Variants in ZNF563 observed in about 807,000 individuals in gnomAD.
ZNF563 encodes the protein zinc finger protein 563.
ZNF563 carries 39 observed loss-of-function variants against 48.5 expected under a neutral mutation model. The observed-to-expected ratio is 0.80, with a 90% CI of 0.62 to 1.05. ZNF563 has a LOEUF of 1.05. Ranked by LOEUF, ZNF563 falls within the 50% of genes least tolerant of loss-of-function variation. The pLI, the probability that ZNF563 is intolerant of heterozygous loss-of-function variation, is 0.00. For synonymous variants in ZNF563, 168 were observed against 187.9 expected, an observed-to-expected ratio of 0.89 and a Z score of 0.87; for missense variants, 538 against 597.0, an observed-to-expected ratio of 0.90 and a Z score of 1.03.
rs1359197127 is a variant in ZNF563 at position 12,317,614 on chromosome 19, A to G, written c.*980T>C. ...ATTATCCTGCCTCAGCCTCCTGAGT[A>G]GCTGGGATTACAGGCATGTGCCATC... On this transcript the variant is annotated 3_prime_UTR_variant, in exon 4 of 4. Coordinates refer to ENST00000293725, the MANE Select transcript of ZNF563 (RefSeq NM_145276.3). 1 of 151,946 alleles carries G rather than the reference A, an allele frequency of 6.6e-6. No homozygotes were observed. The highest frequency in any genetic ancestry group is 1.9e-4 in the East Asian group (1 of 5,162). 9.4% of individuals were successfully genotyped at this position (151,946 alleles called of 1,614,324 possible).
chr19:12,319,082 C>T lies in ZNF563; in HGVS notation c.943G>A (p.Gly315Arg), dbSNP rs369824469. The T allele has an allele frequency of 7.4e-6, 12 of 1,613,968 alleles. No homozygotes were observed. The highest frequency in any genetic ancestry group is 2.2e-5 in the East Asian group (1 of 44,888). Residue 315 changes from glycine (G) to arginine (R), a missense_variant, in exon 4 of 4, where the codon GGG becomes AGG. Transcript: ENST00000293725. ...CTTCCAAGATGATGAAATGTTTTCC[C>T]GCATTGCTTACACTCATAGGGTTTC... is the stretch of plus-strand genomic sequence containing the variant. ...AEKPYECKQC[G>R]KTFHHLGSFQ...
chr19:12,319,832 A>G lies in ZNF563; in HGVS notation c.193T>C (p.Cys65Arg). The G allele has an allele frequency of 6.2e-7, 1 of 1,608,066 alleles. No individual in the cohort carries two copies. The highest frequency in any genetic ancestry group is 8.5e-7 in the Non-Finnish European group (1 of 1,176,180). ...QYKNPRRNLR[C>R]HMVERFSESK... ...TCACTGAATCTCTCTACCATATGAC[A>G]TCTGTAAAAAATGAGTAGTACGTTA... The change falls in exon 4 of 4, where the codon TGT becomes CGT. Residue 65 changes from cysteine to arginine, a missense_variant and splice_region_variant. Transcript: ENST00000293725.
intron 3 of ZNF563, among the ~76,000 whole-genome samples, chr19:12,320,803 A>G (rs1968599633): frequency 6.6e-6 from 1 of 152,086 alleles, no homozygotes; most frequent in Admixed American, 6.6e-5. Flanking sequence ...CCAGCCTCAT[A>G]TGTAAATTCT....
Position 12,333,591 on chromosome 19 carries a change from T to A in ZNF563, c.-109A>T, listed in dbSNP as rs1599578939. 6.6e-7 allele frequency: 1 copy of A among 1,503,974 alleles called. No individual in the cohort carries two copies. The highest frequency in any genetic ancestry group is 2.3e-5 in the East Asian group (1 of 42,844). 93.2% of individuals were successfully genotyped at this position (1,503,974 alleles called of 1,614,324 possible). A position where few individuals can be genotyped will look rare whatever the true frequency, so the allele number is the denominator to read the frequency against. On this transcript the variant is annotated 5_prime_UTR_variant, in exon 1 of 4. Transcript: ENST00000293725. ...ACGTTCCAGGGCGTCTCTCAGCGAC[T>A]GAGGCTACACAGACGTTCCAGGGCG... is the stretch of plus-strand genomic sequence containing the variant.
At chr19:12,320,376 C>T (rs1045926602) in intron 3 of ZNF563, among the ~76,000 whole-genome samples, 3 of 151,050 alleles carry the variant, frequency 2.0e-5, no homozygotes, top group Non-Finnish European at 4.4e-5. Flanking sequence ...CAGTATCTTG[C>T]TTTGTCACCA....
intron 1 of ZNF563, among the ~76,000 whole-genome samples, chr19:12,325,206 G>C (rs1231386983): frequency 6.6e-6 from 1 of 152,164 alleles, no homozygotes; most frequent in Non-Finnish European, 1.5e-5. Flanking sequence ...TTAAGGCCAG[G>C]CACGGTGGCT....
intron 2 of ZNF563, among the ~76,000 whole-genome samples, chr19:12,322,283 T>C (rs531527929): frequency 4.5e-4 from 69 of 152,260 alleles, no homozygotes; most frequent in African/African-American, 1.6e-3. Context: ...CTCGAACTCC[T>C]GACCTCATGA....
At chr19:12,339,718 A>G in the ZNF563 span, among the ~76,000 whole-genome samples, 2 of 152,298 alleles carry the variant, frequency 1.3e-5, no homozygotes, top group South Asian at 4.1e-4. Context: ...TGGGAGCTTC[A>G]GAAGGAGAAG....
chr19:12,345,803 T>C, the ZNF563 span: 2 of 151,946 alleles, frequency 1.3e-5, no homozygotes, highest in African/African-American at 4.8e-5. Flanking sequence ...TCCCAGCTAC[T>C]TGACTACTTG....
chr19:12,318,464 T>C lies in ZNF563; in HGVS notation c.*130A>G. The stretch of plus-strand genomic sequence containing the variant: ...CATCTCTCCAGTGTGAGATATTTCA[T>C]GATTTTGAAAGGAATAAAAATTATG... On this transcript the variant is annotated 3_prime_UTR_variant, in exon 4 of 4. Transcript: ENST00000293725. 1 of 1,061,268 alleles carries C rather than the reference T, an allele frequency of 9.4e-7. No homozygotes were observed. Among genetic ancestry groups the C allele is most frequent in the Non-Finnish European group, 1.3e-6 (1 of 745,420 alleles). The allele number at this position is 1,061,268 out of a possible 1,614,324, so 65.7% of individuals were successfully genotyped here.
chr19:12,342,420 A>G, the ZNF563 span, among the ~76,000 whole-genome samples: 1 of 152,192 alleles, frequency 6.6e-6, no homozygotes, highest in East Asian at 1.9e-4. Flanking sequence ...CCAATGGGTC[A>G]AATGAGAAAT....
At chr19:12,331,811 G>T (rs571840942) in intron 1 of ZNF563, among the ~76,000 whole-genome samples, 1 of 152,144 alleles carries the variant, frequency 6.6e-6, no homozygotes, top group Non-Finnish European at 1.5e-5. Context: ...AGATAGTGTG[G>T]GCTCAGGACT....
At position 12,317,935 on chromosome 19, in the gene ZNF563, C is replaced by A; in HGVS notation, c.*659G>T. The A allele has an allele frequency of 5.0e-6, 1 of 199,290 alleles. No homozygotes were observed. 12.3% of individuals were successfully genotyped at this position (199,290 alleles called of 1,614,324 possible). A position where few individuals can be genotyped will look rare whatever the true frequency, so the allele number is the denominator to read the frequency against. On this transcript the variant is annotated 3_prime_UTR_variant, in exon 4 of 4. Transcript: ENST00000293725. ...GAGTCCTTTTATGTCTATGCAAGGA[C>A]CTGAGAGAACTCAATGCTTTTCTAC...
intron 1 of ZNF563, 146 bp downstream of exon 1, chr19:12,333,334 G>A (rs1447384606): frequency 1.3e-5 from 15 of 1,133,510 alleles, no homozygotes; most frequent in Non-Finnish European, 1.9e-5. Flanking sequence ...GTGGCTGAGG[G>A]GACCGAGGGT....
In ZNF563 at chr19:12,318,672, G is replaced by A; in HGVS notation, c.1353C>T (p.Cys451=). The change falls in exon 4 of 4, where the codon TGC becomes TGT. Residue 451 remains cysteine (C), a synonymous_variant. Coordinates refer to ENST00000293725, the MANE Select transcript of ZNF563 (RefSeq NM_145276.3). ...VMHTGDGPNK[C]KVCGKAFVYP... is the part of the protein sequence containing the mutation. ...AAACAAAGGCTTTCCCACATACCTT[G>A]CATTTATTCGGCCCATCTCCCGTAT... 1 of 1,614,066 alleles carries A rather than the reference G, an allele frequency of 6.2e-7. No individual in the cohort carries two copies. The highest frequency in any genetic ancestry group is 8.5e-7 in the Non-Finnish European group (1 of 1,180,016).
chr19:12,323,604 G>T (rs1378357292), intron 1 of ZNF563, among the ~76,000 whole-genome samples: 2 of 152,182 alleles, frequency 1.3e-5, no homozygotes, highest in East Asian at 3.8e-4. Flanking sequence ...CTTAACCTTG[G>T]ACTTCCCAGC....
At chr19:12,335,378 C>T (rs561675465), upstream of ZNF563, among the ~76,000 whole-genome samples, 1 of 152,282 alleles carries the variant, frequency 6.6e-6, no homozygotes, top group East Asian at 1.9e-4. Context: ...TTCCATTGTC[C>T]TTTCTGTGTA....
intron 1 of ZNF563, among the ~76,000 whole-genome samples, chr19:12,326,441 C>T (rs1255448473): frequency 2.6e-5 from 4 of 151,952 alleles, no homozygotes; most frequent in Non-Finnish European, 4.4e-5. Flanking sequence ...GTCGGGAGTT[C>T]GAGACCAGCC....
chr19:12,346,661 T>C, the ZNF563 span: 1 of 152,332 alleles, frequency 6.6e-6, no homozygotes, highest in Non-Finnish European at 1.5e-5. Flanking sequence ...AGCAGCCTTA[T>C]TGATAGCAGT....
Sources: allele counts gnomAD v4.1 joint callset (sites outside exome capture counted in the v4.1 genomes callset), GRCh38; gene constraint gnomAD v4.1.1; transcripts MANE v1.5; gene names NCBI Gene and HGNC (gene_info 2026-07-23, HGNC 2026-07-21).